Variants in FAM185A observed in about 807,000 individuals in gnomAD.
The protein encoded by FAM185A is protein FAM185A.
Under a neutral mutation model 45.7 loss-of-function variants are expected in FAM185A, and 21 were observed. That is an observed-to-expected ratio of 0.46 (90% CI 0.33 to 0.66). The LOEUF is 0.66. Among genes scored for constraint, FAM185A ranks in the 30% least tolerant of loss-of-function variants. The pLI is 0.03. For missense variants in FAM185A, 305 were observed against 485.4 expected (o/e 0.63, Z 3.49); for synonymous variants, 117 against 194.0 (o/e 0.60, Z 3.30).
Position 102,749,361 on chromosome 7 carries a change from A to T in FAM185A, c.154A>T (p.Thr52Ser). 1 of 1,548,784 alleles carries T rather than the reference A, an allele frequency of 6.5e-7. No homozygotes were observed. The highest frequency in any genetic ancestry group is 8.7e-7 in the Non-Finnish European group (1 of 1,146,622). ...GAGCGAGCGCTGGCCCGGATCGGAGACTGAGGTCCCTCCGCCTGGCCCGGG... is the reference window on the plus strand; with the variant it reads ...GAGCGAGCGCTGGCCCGGATCGGAGTCTGAGGTCCCTCCGCCTGGCCCGGG... Reference protein sequence around the residue: ...GGSERWPGSETEVPPPGPGRR... With the variant: ...GGSERWPGSESEVPPPGPGRR... Residue 52 changes from threonine (T) to serine (S), a missense_variant, in exon 1 of 8, where the codon ACT becomes TCT. Thr to Ser is a moderately conservative substitution (Grantham distance 58, BLOSUM62 1). Around this residue, in one of 5 missense-constraint regions of FAM185A, gnomAD observed 174 missense variants for 247.1 expected, o/e 0.70. Coordinates refer to ENST00000413034, the MANE Select transcript of FAM185A (RefSeq NM_001145268.2).
chr7:102,826,763 A>ATATATATATATATG, the FAM185A span, among the ~76,000 whole-genome samples: 1 of 115,816 alleles, frequency 8.6e-6, no homozygotes, highest in Non-Finnish European at 1.7e-5. Flanking sequence ...ATATATATAT[A>ATATATATATATATG]TATATATATG....
At chr7:102,776,076 T>A (rs184064184) in intron 5 of FAM185A, among the ~76,000 whole-genome samples, 5 of 147,202 alleles carry the variant, frequency 3.4e-5, no homozygotes, top group Admixed American at 1.3e-4. Flanking sequence ...AACATTTTTT[T>A]AAAAGAAAAA....
chr7:102,815,938 T>C, the FAM185A span, among the ~76,000 whole-genome samples: 2 of 152,296 alleles, frequency 1.3e-5, no homozygotes, highest in African/African-American at 4.8e-5. Flanking sequence ...GACTCCTTAA[T>C]ATAAGATAAG....
At chr7:102,834,136 AAG>A in the FAM185A span, among the ~76,000 whole-genome samples, 22 of 124,942 alleles carry the variant, frequency 1.8e-4, no homozygotes, top group African/African-American at 7.4e-4. Flanking sequence ...GAAAGAAAGA[AAG>A]AAAAGAGAAG....
chr7:102,850,391 A>C, the FAM185A span, among the ~76,000 whole-genome samples: 2 of 152,214 alleles, frequency 1.3e-5, no homozygotes, highest in Admixed American at 6.5e-5. Flanking sequence ...CTATGTCATC[A>C]CCATGGTAGG....
chr7:102,811,186 A>C (rs753380477), downstream of FAM185A, among the ~76,000 whole-genome samples: 1 of 152,182 alleles, frequency 6.6e-6, no homozygotes, highest in Non-Finnish European at 1.5e-5. Flanking sequence ...ACAGCCAGAA[A>C]AGTCATAAGC....
chr7:102,789,279 G>A (rs1456569966), intron 7 of FAM185A, among the ~76,000 whole-genome samples: 1 of 152,132 alleles, frequency 6.6e-6, no homozygotes, highest in Non-Finnish European at 1.5e-5. Flanking sequence ...ACCGTTCTCA[G>A]CTAATTTTTA....
chr7:102,783,109 A>G (rs1445311624), intron 6 of FAM185A, among the ~76,000 whole-genome samples: 2 of 151,908 alleles, frequency 1.3e-5, no homozygotes, highest in Non-Finnish European at 2.9e-5. Flanking sequence ...ACTATCGTAA[A>G]TATATATGCA....
intron 3 of FAM185A, among the ~76,000 whole-genome samples, chr7:102,758,172 T>G (rs552267251): frequency 6.6e-6 from 1 of 152,216 alleles, no homozygotes; most frequent in Admixed American, 6.5e-5. Flanking sequence ...TAGTCTGGAA[T>G]CAATAAAAAC....
chr7:102,759,275 A>G (rs1172571924), intron 3 of FAM185A, among the ~76,000 whole-genome samples: 1 of 152,030 alleles, frequency 6.6e-6, no homozygotes, highest in Non-Finnish European at 1.5e-5. Flanking sequence ...TATCTTAATC[A>G]TTTGCTACCT....
At chr7:102,759,042 A>G (rs1793948660) in intron 3 of FAM185A, among the ~76,000 whole-genome samples, 1 of 152,110 alleles carries the variant, frequency 6.6e-6, no homozygotes. Flanking sequence ...TCTGTAAATT[A>G]TACTAGGAAA....
At chr7:102,750,215 G>C (rs546654886) in intron 1 of FAM185A, among the ~76,000 whole-genome samples, 1 of 152,324 alleles carries the variant, frequency 6.6e-6, no homozygotes, top group Non-Finnish European at 1.5e-5. Context: ...GCCTGCCTAG[G>C]AAGCTTCAAT....
At chr7:102,780,288 T>C (rs1795325828) in intron 6 of FAM185A, among the ~76,000 whole-genome samples, 1 of 152,066 alleles carries the variant, frequency 6.6e-6, no homozygotes, top group Non-Finnish European at 1.5e-5. Context: ...CTTTATTTAA[T>C]GAAAAACAGG....
At chr7:102,843,876 G>T in the FAM185A span, among the ~76,000 whole-genome samples, 33 of 152,212 alleles carry the variant, frequency 2.2e-4, no homozygotes, top group Middle Eastern at 3.2e-3. Flanking sequence ...AGGACAATGA[G>T]AGAAGTGGAG....
the FAM185A span, chr7:102,822,001 T>C: frequency 1.9e-6 from 3 of 1,598,142 alleles, no homozygotes; most frequent in African/African-American, 2.7e-5. Context: ...TCTCAGAAAG[T>C]AGTTCTCAAA....
At chr7:102,770,712 C>T (rs548962913) in intron 4 of FAM185A, among the ~76,000 whole-genome samples, 11 of 152,122 alleles carry the variant, frequency 7.2e-5, no homozygotes, top group East Asian at 1.9e-4. Flanking sequence ...AAACAACAGA[C>T]GCTGGCGAGG....
intron 4 of FAM185A, among the ~76,000 whole-genome samples, chr7:102,765,353 C>T (rs1794325583): frequency 6.6e-6 from 1 of 152,106 alleles, no homozygotes; most frequent in Non-Finnish European, 1.5e-5. Context: ...TTGGGCTTAG[C>T]TCCATGGTAG....
the FAM185A span, among the ~76,000 whole-genome samples, chr7:102,838,818 T>C: frequency 1.3e-5 from 2 of 152,194 alleles, no homozygotes; most frequent in East Asian, 3.9e-4. Context: ...CATAGGGACC[T>C]CTGCCCTGGA....
rs1584320151 is a variant in FAM185A, at chr7:102,780,341, TG to T, written c.931+2994del. On this transcript the variant is annotated intron_variant, in intron 6 of 7. Transcript: ENST00000413034. ...TAGGAGTGTGTTGGTGAATTTACACTGCAACCCACATAATTCTAAAAATGAT... is the reference window on the plus strand; with the variant it reads ...TAGGAGTGTGTTGGTGAATTTACACTCAACCCACATAATTCTAAAAATGAT... Among the ~76,000 whole-genome samples, 6 of 152,220 alleles carry T rather than the reference TG, an allele frequency of 3.9e-5. No homozygotes were observed. The East Asian group carries it at 1.2e-3, about 29-fold the overall frequency.
Sources: gnomAD v4.1 joint callset for allele counts (sites outside exome capture counted in the v4.1 genomes callset) on GRCh38, gnomAD v4.1.1 for gene constraint, gnomAD v4.1.1 regional missense constraint, MANE v1.5 for transcripts, NCBI Gene and HGNC (gene_info 2026-07-23, HGNC 2026-07-21) for gene names.